Variants in CSMD3 observed in about 807,000 individuals in gnomAD.
The protein encoded by CSMD3 is CUB and sushi domain-containing protein 3.
In CSMD3, 177 loss-of-function variants were observed where a neutral mutation model predicts 435.2. That is an observed-to-expected ratio of 0.41 (90% CI 0.36 to 0.46). CSMD3 has a LOEUF of 0.46. Ranked by LOEUF, CSMD3 falls within the 20% of genes least tolerant of loss-of-function variation. CSMD3 has a pLI of 0.34. For missense variants in CSMD3, 4,265 were observed against 4,504.6 expected, an observed-to-expected ratio of 0.95 and a Z score of 1.52; for synonymous variants, 1,656 against 1,520.5, an observed-to-expected ratio of 1.09 and a Z score of -2.07.
At chr8:113,298,434 G>T (rs1441193814) in intron 2 of CSMD3, among the ~76,000 whole-genome samples, 1 of 151,586 alleles carries the variant, frequency 6.6e-6, no homozygotes, top group Non-Finnish European at 1.5e-5. Context: ...TTTCATTATT[G>T]ACCTCAAAAT....
intron 14 of CSMD3, 24 bp downstream of exon 14, chr8:112,689,844 G>C (rs373877722): frequency 2.5e-6 from 4 of 1,600,098 alleles, no homozygotes; most frequent in Non-Finnish European, 3.4e-6. Flanking sequence ...TATGCTATCT[G>C]GAAGCAAAGC....
chr8:112,223,043 T>G lies in CSMD3; in HGVS notation c.*1728A>C. 2.5e-6 allele frequency: 1 copy of G among 398,530 alleles called. No homozygotes were observed. The highest frequency in any genetic ancestry group is 4.4e-6 in the Non-Finnish European group (1 of 225,760). 24.7% of individuals were successfully genotyped at this position (398,530 alleles called of 1,614,324 possible). A position where few individuals can be genotyped will look rare whatever the true frequency, so the allele number is the denominator to read the frequency against. On this transcript the variant is annotated 3_prime_UTR_variant, in exon 71 of 71. Coordinates refer to ENST00000297405, the MANE Select transcript of CSMD3 (RefSeq NM_198123.2). Reference sequence around the variant, plus strand: ...TACTTCTTTACAAAAGTGTATGCATTAATATAAGAGGAGTAGCCAGTTGCA... The same window carrying G: ...TACTTCTTTACAAAAGTGTATGCATGAATATAAGAGGAGTAGCCAGTTGCA...
At chr8:112,494,897 T>C (rs762843681) in intron 30 of CSMD3, among the ~76,000 whole-genome samples, 1 of 152,056 alleles carries the variant, frequency 6.6e-6, no homozygotes, top group African/African-American at 2.4e-5. Flanking sequence ...AAACCAGAGC[T>C]AAATGACTTG....
At position 113,031,640 on chromosome 8, in the gene CSMD3, C is replaced by G. The variant is rs150973217; in HGVS notation, c.918-12461G>C. 5.9e-5 allele frequency among the ~76,000 whole-genome samples: 9 copies of G among 151,668 alleles called. No homozygotes were observed. The East Asian group carries it at 1.7e-3, about 29-fold the overall frequency. ...ACAGAATAAAATACACTTGCACACT[C>G]ACAATAAATGCCTGCAAAATTGGTG... On this transcript the variant is annotated intron_variant, in intron 5 of 70. Coordinates refer to ENST00000297405, the MANE Select transcript of CSMD3 (RefSeq NM_198123.2).
At chr8:112,311,993 T>C (rs1475332200) in intron 49 of CSMD3, among the ~76,000 whole-genome samples, 10 of 152,148 alleles carry the variant, frequency 6.6e-5, no homozygotes, top group Non-Finnish European at 7.4e-5. Flanking sequence ...AAAAGTGGTA[T>C]TTTCATTATA....
chr8:113,205,431 C>A (rs1191646759), intron 3 of CSMD3, among the ~76,000 whole-genome samples: 1 of 152,130 alleles, frequency 6.6e-6, no homozygotes, highest in Non-Finnish European at 1.5e-5. Flanking sequence ...GGGTGGGGAC[C>A]AGCCAAACCA....
intron 11 of CSMD3, among the ~76,000 whole-genome samples, chr8:112,840,587 T>C (rs992983894): frequency 6.6e-6 from 1 of 151,734 alleles, no homozygotes; most frequent in Non-Finnish European, 1.5e-5. Flanking sequence ...AGGTGATAAA[T>C]ATAATAATTA....
chr8:113,384,930 AAAATC>A lies in CSMD3; in HGVS notation c.178+51742_178+51746del, dbSNP rs575791874. ...AATTTGTTTTGTTTTGTTAGTCCCT[AAAATC>A]AAAATAGATGGATACATTTGAAGTT... On this transcript the variant is annotated intron_variant, in intron 1 of 70. Coordinates refer to ENST00000297405, the MANE Select transcript of CSMD3 (RefSeq NM_198123.2). 2.2e-4 allele frequency among the ~76,000 whole-genome samples: 34 copies of A among 152,252 alleles called. No homozygotes were observed. The South Asian group carries it at 7.1e-3, about 32-fold the overall frequency.
chr8:112,916,407 T>G (rs915747873), intron 10 of CSMD3, among the ~76,000 whole-genome samples: 16 of 151,814 alleles, frequency 1.1e-4, no homozygotes, highest in African/African-American at 3.6e-4. Flanking sequence ...TAGAGCTTAG[T>G]AAGGCTTGTT....
rs530559645 is a variant in CSMD3 at position 112,537,119 on chromosome 8, C to A, written c.4564+13552G>T. Among the ~76,000 whole-genome samples the A allele has an allele frequency of 1.4e-3, 215 of 151,126 alleles. 2 individuals are homozygous for A. The highest frequency in any genetic ancestry group is 5.0e-3 in the African/African-American group (205 of 41,188). On this transcript the variant is annotated intron_variant, in intron 27 of 70. Transcript: ENST00000297405. ...CACCAGCATGGCACATGTATACATA[C>A]GTAACTAACCTGCACATTGTGCACA...
chr8:112,738,527 C>T (rs2077234763), intron 13 of CSMD3, among the ~76,000 whole-genome samples: 1 of 151,668 alleles, frequency 6.6e-6, no homozygotes. Context: ...ATGCTAGGTA[C>T]TTCAGAAGAG....
Position 112,975,869 on chromosome 8 carries a change from C to A in CSMD3, c.1310G>T (p.Arg437Ile), listed in dbSNP as rs566426423. 1 of 1,613,670 alleles carries A rather than the reference C, an allele frequency of 6.2e-7. No individual in the cohort carries two copies. Among genetic ancestry groups the A allele is most frequent in the African/African-American group, 1.3e-5 (1 of 74,980 alleles). ...AGTAACAACTGCAAGCTCTTTAGTT[C>A]TTTCTATCTGTTCAGCATGTCTTGG... Reference protein sequence around the residue: ...RRPRHAEQIERTKELAVVTHR... With the variant: ...RRPRHAEQIEITKELAVVTHR... The change falls in exon 7 of 71, where the codon AGA becomes ATA. Residue 437 changes from arginine to isoleucine, a missense_variant. Around this residue, in one of 3 missense-constraint regions of CSMD3, gnomAD observed 731 missense variants for 755.4 expected, o/e 0.97. Transcript: ENST00000297405.
At chr8:112,685,014 G>T (rs1409002765) in intron 15 of CSMD3, among the ~76,000 whole-genome samples, 2 of 151,932 alleles carry the variant, frequency 1.3e-5, no homozygotes, top group Non-Finnish European at 2.9e-5. Flanking sequence ...ATATCTATTG[G>T]TGCATGAATA....
intron 3 of CSMD3, among the ~76,000 whole-genome samples, chr8:113,270,814 G>A (rs1245395912): frequency 4.6e-5 from 7 of 151,912 alleles, no homozygotes; most frequent in African/African-American, 9.7e-5. Flanking sequence ...ATCACGCACC[G>A]GGGCCTGTTG....
intron 10 of CSMD3, among the ~76,000 whole-genome samples, chr8:112,910,693 C>T (rs569341586): frequency 6.6e-6 from 1 of 151,870 alleles, no homozygotes; most frequent in Admixed American, 6.6e-5. Context: ...TAAAAACAAT[C>T]TTTCCTCATT....
At chr8:113,098,592 C>T (rs2090235839) in intron 5 of CSMD3, 164 bp downstream of exon 5, 1 of 609,190 alleles carries the variant, frequency 1.6e-6, no homozygotes, top group Non-Finnish European at 2.9e-6. Flanking sequence ...ATGTAAATAG[C>T]TCGATCTTCA....
At chr8:113,153,218 C>T (rs75659478) in intron 4 of CSMD3, among the ~76,000 whole-genome samples, 3 of 130,036 alleles carry the variant, frequency 2.3e-5, no homozygotes, top group Non-Finnish European at 3.2e-5. Flanking sequence ...GAGAGAGGTA[C>T]GGAAAGAGAA....
At chr8:113,214,242 A>T (rs761329349) in intron 3 of CSMD3, among the ~76,000 whole-genome samples, 15 of 151,856 alleles carry the variant, frequency 9.9e-5, no homozygotes, top group Non-Finnish European at 1.9e-4. Flanking sequence ...GTTGTTTTTT[A>T]AATTTTTATT....
At chr8:113,210,298 C>T (rs1459618773) in intron 3 of CSMD3, among the ~76,000 whole-genome samples, 3 of 152,050 alleles carry the variant, frequency 2.0e-5, no homozygotes, top group Admixed American at 6.6e-5. Context: ...ACTGGAATAT[C>T]ATAATTTGTG....
Sources: allele counts gnomAD v4.1 joint callset (sites outside exome capture counted in the v4.1 genomes callset), GRCh38; gene constraint gnomAD v4.1.1; regional missense constraint gnomAD v4.1.1; transcripts MANE v1.5; gene names NCBI Gene and HGNC (gene_info 2026-07-23, HGNC 2026-07-21).